ATP5F1A: variants seen among roughly 807,000 people sequenced by gnomAD.
ATP5F1A encodes ATP synthase F(1) complex subunit alpha, mitochondrial.
ATP5F1A carries 24 observed loss-of-function variants against 57.4 expected under a neutral mutation model. That is an observed-to-expected ratio of 0.42 (90% CI 0.30 to 0.59). ATP5F1A has a LOEUF of 0.59. Among genes scored for constraint, ATP5F1A ranks in the 20% least tolerant of loss-of-function variants. The pLI, the probability that ATP5F1A is intolerant of heterozygous loss-of-function variation, is 0.19. For missense variants in ATP5F1A, 494 were observed against 707.9 expected, an observed-to-expected ratio of 0.70 and a Z score of 3.43; for synonymous variants, 251 against 255.5, an observed-to-expected ratio of 0.98 and a Z score of 0.17.
chr18:46,092,854 A>G (rs1910665639), intron 2 of ATP5F1A, among the ~76,000 whole-genome samples: 1 of 152,212 alleles, frequency 6.6e-6, no homozygotes, highest in Admixed American at 6.6e-5. Flanking sequence ...CATATTTTAA[A>G]AACCAACTGT....
At position 46,080,260 on chromosome 18, in the gene ATP5F1A, AAT is replaced by A. The variant is rs1362454918; in HGVS notation, c.*4020_*4021del. The stretch of plus-strand genomic sequence containing the variant: ...AAAAGACAAGACCTTACAGTTAACA[AAT>A]AGTTTTTAAAATACAAGTCTGAAAT... On this transcript the variant is annotated 3_prime_UTR_variant, in exon 12 of 12. Transcript: ENST00000398752. 3.9e-5 allele frequency: 6 copies of A among 152,244 alleles called. No homozygotes were observed. The highest frequency in any genetic ancestry group is 1.4e-4 in the African/African-American group (6 of 41,466). The allele number at this position is 152,244 out of a possible 1,614,324, so 9.4% of individuals were successfully genotyped here.
chr18:46,098,091 T>G (rs1009441706), intron 1 of ATP5F1A, 81 bp downstream of exon 1: 16 of 1,511,004 alleles, frequency 1.1e-5, no homozygotes, highest in Non-Finnish European at 1.3e-5. Context: ...CTCGCCCTCC[T>G]GCAGAGAGCG....
rs2853801 is a variant in ATP5F1A, at chr18:46,097,921, A to G, written c.60+251T>C. On this transcript the variant is annotated intron_variant, in intron 1 of 11. Coordinates refer to ENST00000398752, the MANE Select transcript of ATP5F1A (RefSeq NM_004046.6). The stretch of plus-strand genomic sequence containing the variant: ...CTTCTAGGGCCGCTGTCAGCCGAAG[A>G]CAGGAATCTTGAGGCCCTGTCTCTG... 113,628 of 1,246,582 alleles carry G rather than the reference A, an allele frequency of 0.091. 7,487 individuals carry two copies. The highest frequency in any genetic ancestry group is 0.43 in the East Asian group (13,527 of 31,110). The allele number at this position is 1,246,582 out of a possible 1,614,324, so 77.2% of individuals were successfully genotyped here.
At chr18:46,092,927 C>T (rs930608922) in intron 2 of ATP5F1A, among the ~76,000 whole-genome samples, 1 of 151,920 alleles carries the variant, frequency 6.6e-6, no homozygotes, top group Non-Finnish European at 1.5e-5. Context: ...GGGGGTGGAT[C>T]ACTTGAGGCC....
intron 2 of ATP5F1A, 79 bp from the exon 3 acceptor site, chr18:46,091,930 T>C (rs1397297360): frequency 3.7e-5 from 52 of 1,421,898 alleles, no homozygotes; most frequent in Admixed American, 1.2e-4. Flanking sequence ...CCCAGCACTT[T>C]TGGAGGCTGA....
At chr18:46,089,022 C>A (rs995004746) in intron 5 of ATP5F1A, among the ~76,000 whole-genome samples, 7 of 151,950 alleles carry the variant, frequency 4.6e-5, no homozygotes. Flanking sequence ...ATTTATGACA[C>A]AGAGACCTTT....
At chr18:46,100,005 C>A (rs1017479332), upstream of ATP5F1A, among the ~76,000 whole-genome samples, 1 of 151,982 alleles carries the variant, frequency 6.6e-6, no homozygotes, top group Non-Finnish European at 1.5e-5. Flanking sequence ...AATCCCAGCA[C>A]TTTGGGAGGC....
rs1258385189 is a variant in ATP5F1A at position 46,087,289 on chromosome 18, A to C, written c.951+52T>G. On this transcript the variant is annotated intron_variant, in intron 7 of 11. Transcript: ENST00000398752. ...CTATTAAATAGAAGTTGCATATGTG[A>C]ACTTTTACTTCAGTACAAATAAATG... The C allele has an allele frequency of 1.3e-5, 21 of 1,611,640 alleles. No homozygotes were observed. In the East Asian group the frequency reaches 4.5e-4, roughly 34 times the overall value.
chr18:46,088,144 G>A lies in ATP5F1A; in HGVS notation c.764C>T (p.Thr255Ile). 1 of 1,601,656 alleles carries A rather than the reference G, an allele frequency of 6.2e-7. No homozygotes were observed. The highest frequency in any genetic ancestry group is 8.5e-7 in the Non-Finnish European group (1 of 1,177,660). The stretch of plus-strand genomic sequence containing the variant: ...AAGTCTCTTCACCAACTGGGCAACA[G>A]TGGATCTCTTTTGACCAATAGCAAC... ...IYVAIGQKRS[T>I]VAQLVKRLTD... The change falls in exon 6 of 12, where the codon ACT becomes ATT. Residue 255 changes from threonine to isoleucine, a missense_variant. Physicochemically the swap from Thr to Ile is moderately conservative, Grantham distance 89. This residue lies in a region of ATP5F1A where 191 missense variants were observed against 267.7 expected (regional missense o/e 0.71). Coordinates refer to ENST00000398752, the MANE Select transcript of ATP5F1A (RefSeq NM_004046.6).
chr18:46,088,270 A>T lies in ATP5F1A; in HGVS notation c.651-13T>A, dbSNP rs1910271989. On this transcript the variant is annotated splice_polypyrimidine_tract_variant and intron_variant, in intron 5 of 11. Coordinates refer to ENST00000398752, the MANE Select transcript of ATP5F1A (RefSeq NM_004046.6). ...AATTGAGGTTTTCCTTTAAAAAGAG[A>T]AAGTAAATATAAATCTTCCTAAACT... 1.9e-6 allele frequency: 3 copies of T among 1,564,640 alleles called. No individual in the cohort carries two copies. Among genetic ancestry groups the T allele is most frequent in the Non-Finnish European group, 2.6e-6 (3 of 1,163,902 alleles).
chr18:46,102,764 T>C (rs1250069025), upstream of ATP5F1A, among the ~76,000 whole-genome samples: 1 of 151,660 alleles, frequency 6.6e-6, no homozygotes, highest in Non-Finnish European at 1.5e-5. Context: ...CTGGGCAACA[T>C]AGTGAGACCC....
upstream of ATP5F1A, chr18:46,099,308 T>C (rs144258816): frequency 1.9e-4 from 29 of 151,966 alleles, no homozygotes; most frequent in African/African-American, 5.8e-4. Context: ...CTTACCTGGA[T>C]GGGCTTTTTT....
chr18:46,089,170 T>C (rs1480564923), intron 5 of ATP5F1A, among the ~76,000 whole-genome samples: 7 of 152,136 alleles, frequency 4.6e-5, no homozygotes, highest in African/African-American at 1.7e-4. Context: ...GTCCTCCATA[T>C]GCTGAGCGCC....
intron 10 of ATP5F1A, 163 bp downstream of exon 10, chr18:46,085,948 ATC>A (rs932473496): frequency 1.8e-5 from 15 of 828,956 alleles, no homozygotes; most frequent in Admixed American, 3.5e-5. Context: ...AAAAAAAAAA[ATC>A]AAAAATCAAA....
Position 46,082,486 on chromosome 18 carries a change from C to A in ATP5F1A, c.*1796G>T, listed in dbSNP as rs1409648923. On this transcript the variant is annotated 3_prime_UTR_variant, in exon 12 of 12. Transcript: ENST00000398752. ...AGATCACAAGGTCAGGAGTTCGAGA[C>A]CAGCCTGGCCAATATGGTGAAACCC... The A allele has an allele frequency of 2.0e-5, 3 of 149,166 alleles. No individual in the cohort carries two copies. The highest frequency in any genetic ancestry group is 7.4e-5 in the African/African-American group (3 of 40,426). 9.2% of individuals were successfully genotyped at this position (149,166 alleles called of 1,614,324 possible).
chr18:46,091,235 A>C (rs1449746699), intron 3 of ATP5F1A, among the ~76,000 whole-genome samples: 3 of 152,228 alleles, frequency 2.0e-5, no homozygotes, highest in Non-Finnish European at 4.4e-5. Flanking sequence ...TACAAAGTAG[A>C]CTTACATTAG....
At chr18:46,094,949 A>G in intron 2 of ATP5F1A, 104 bp downstream of exon 2, 2 of 1,387,560 alleles carry the variant, frequency 1.4e-6, no homozygotes, top group East Asian at 2.5e-5. Flanking sequence ...TACAAACTAG[A>G]GAAAAAACTA....
At chr18:46,092,407 G>A (rs1258264672) in intron 2 of ATP5F1A, among the ~76,000 whole-genome samples, 1 of 150,524 alleles carries the variant, frequency 6.6e-6, no homozygotes, top group Admixed American at 6.6e-5. Flanking sequence ...TAAGGAGTTC[G>A]AGACCAGCCT....
intron 1 of ATP5F1A, among the ~76,000 whole-genome samples, chr18:46,097,489 T>G (rs534693041): frequency 4.0e-4 from 61 of 152,258 alleles, no homozygotes; most frequent in African/African-American, 1.4e-3. Context: ...GACAAATTCT[T>G]TAAACACGTC....
Sources: gnomAD v4.1 joint callset for allele counts (sites outside exome capture counted in the v4.1 genomes callset) on GRCh38, gnomAD v4.1.1 for gene constraint, gnomAD v4.1.1 regional missense constraint, MANE v1.5 for transcripts, NCBI Gene and HGNC (gene_info 2026-07-23, HGNC 2026-07-21) for gene names.